PHACTR1: variants seen among roughly 807,000 people sequenced by gnomAD.
The protein encoded by PHACTR1 is RPEL repeat containing 1.
In PHACTR1, 16 loss-of-function variants were observed where a neutral mutation model predicts 69.2. The ratio of observed to expected loss-of-function variants is 0.23; its 90% CI spans 0.16 to 0.35. The LOEUF (loss-of-function observed/expected upper bound fraction) is 0.35, where lower values mean the gene tolerates loss of function less well. PHACTR1 is among the 10% of genes least tolerant of loss of function. PHACTR1 has a pLI of 1.00. For synonymous variants in PHACTR1, 312 were observed against 284.5 expected, an observed-to-expected ratio of 1.10 and a Z score of -0.97; for missense variants, 510 against 734.7, an observed-to-expected ratio of 0.69 and a Z score of 3.54.
At chr6:12,746,637 T>C (rs1765817010) in intron 3 of PHACTR1, among the ~76,000 whole-genome samples, 1 of 152,224 alleles carries the variant, frequency 6.6e-6, no homozygotes, top group Non-Finnish European at 1.5e-5. Context: ...AAATAGCCTA[T>C]AATGAAATAA....
chr6:12,976,314 C>T (rs1794873935), intron 4 of PHACTR1, among the ~76,000 whole-genome samples: 1 of 152,158 alleles, frequency 6.6e-6, no homozygotes, highest in African/African-American at 2.4e-5. Flanking sequence ...AAACGTGAGT[C>T]TTTGGGTGAA....
At chr6:13,239,416 G>A (rs1262518787) in intron 10 of PHACTR1, among the ~76,000 whole-genome samples, 2 of 152,112 alleles carry the variant, frequency 1.3e-5, no homozygotes, top group African/African-American at 4.8e-5. Flanking sequence ...GAGCTCTTTG[G>A]GAATGCTGAC....
At chr6:13,206,332 G>A (rs1169139385) in intron 8 of PHACTR1, among the ~76,000 whole-genome samples, 196 bp downstream of exon 8, 4 of 152,106 alleles carry the variant, frequency 2.6e-5, no homozygotes, top group African/African-American at 7.2e-5. Flanking sequence ...AAAAGCTCTG[G>A]AATAATCACA....
At chr6:12,727,076 G>T (rs1204294318) in intron 3 of PHACTR1, among the ~76,000 whole-genome samples, 1 of 152,020 alleles carries the variant, frequency 6.6e-6, no homozygotes, top group Non-Finnish European at 1.5e-5. Flanking sequence ...CATCACCCTA[G>T]TCAGGAAGCA....
chr6:13,030,716 T>G (rs143039357), intron 4 of PHACTR1, among the ~76,000 whole-genome samples: 134 of 152,320 alleles, frequency 8.8e-4, no homozygotes, highest in African/African-American at 2.9e-3. Flanking sequence ...TGAAGAATAG[T>G]TTCTGTTCTA....
chr6:12,908,104 A>T (rs1447595048), intron 4 of PHACTR1, among the ~76,000 whole-genome samples: 3 of 152,146 alleles, frequency 2.0e-5, no homozygotes, highest in African/African-American at 4.8e-5. Context: ...ACATTTAGGG[A>T]TGTTCTTCTT....
chr6:13,064,459 AGATATAATAAGCAAAT>A (rs1363846328), intron 5 of PHACTR1, among the ~76,000 whole-genome samples: 4 of 150,326 alleles, frequency 2.7e-5, no homozygotes, highest in Non-Finnish European at 5.9e-5. Context: ...ATGGCAATGC[AGATATAATAAGCAAAT>A]GATATAATAA....
intron 4 of PHACTR1, among the ~76,000 whole-genome samples, chr6:13,051,076 C>G (rs1359864122): frequency 6.6e-6 from 1 of 152,150 alleles, no homozygotes; most frequent in African/African-American, 2.4e-5. Context: ...AGAAACAAAT[C>G]TAATTGCATC....
chr6:12,812,390 T>G (rs1293996354), intron 4 of PHACTR1, among the ~76,000 whole-genome samples: 2 of 152,204 alleles, frequency 1.3e-5, no homozygotes, highest in Non-Finnish European at 2.9e-5. Flanking sequence ...AGCACCAAGT[T>G]TGATATTTTA....
chr6:13,055,505 T>C (rs964489977), intron 5 of PHACTR1, among the ~76,000 whole-genome samples: 15 of 152,140 alleles, frequency 9.9e-5, no homozygotes, highest in African/African-American at 2.7e-4. Context: ...AATGGGAGTG[T>C]TTTGTAAGCA....
intron 4 of PHACTR1, among the ~76,000 whole-genome samples, chr6:12,994,119 T>C (rs1051078066): frequency 1.3e-5 from 2 of 152,104 alleles, no homozygotes; most frequent in Non-Finnish European, 2.9e-5. Flanking sequence ...ATGAAAAATA[T>C]AGTCTTTGAA....
At chr6:13,214,231 A>AT (rs397736779) in intron 8 of PHACTR1, 6 of 150,554 alleles carry the variant, frequency 4.0e-5, no homozygotes, top group Non-Finnish European at 8.9e-5. Context: ...AAAAAAAAAA[A>AT]GCAAGAAAAG....
chr6:12,794,535 A>G (rs1316962264), intron 4 of PHACTR1, among the ~76,000 whole-genome samples: 1 of 152,262 alleles, frequency 6.6e-6, no homozygotes, highest in Non-Finnish European at 1.5e-5. Context: ...AGAAAAAGTA[A>G]AAGAGAACAG....
intron 5 of PHACTR1, among the ~76,000 whole-genome samples, chr6:13,101,320 G>A (rs1815122816): frequency 6.6e-6 from 1 of 152,354 alleles, no homozygotes; most frequent in South Asian, 2.1e-4. Context: ...TGAGAGCAGA[G>A]TCCTCATGAC....
chr6:13,265,660 T>G (rs1273040721), intron 10 of PHACTR1, among the ~76,000 whole-genome samples: 8 of 152,168 alleles, frequency 5.3e-5, no homozygotes, highest in Non-Finnish European at 1.2e-4. Flanking sequence ...TCAGCAGGTG[T>G]GAGTGCGATC....
chr6:13,114,048 G>T (rs1817445686), intron 5 of PHACTR1, among the ~76,000 whole-genome samples: 1 of 152,168 alleles, frequency 6.6e-6, no homozygotes, highest in African/African-American at 2.4e-5. Context: ...GCACAGGGCA[G>T]ATTTCTGGTC....
intron 4 of PHACTR1, among the ~76,000 whole-genome samples, chr6:12,750,415 A>G (rs1238894796): frequency 6.6e-6 from 1 of 151,862 alleles, no homozygotes; most frequent in Non-Finnish European, 1.5e-5. Flanking sequence ...AGGGTAACTG[A>G]GGTACATGAA....
At chr6:12,931,522 T>C (rs1433323869) in intron 4 of PHACTR1, among the ~76,000 whole-genome samples, 1 of 151,976 alleles carries the variant, frequency 6.6e-6, no homozygotes, top group Non-Finnish European at 1.5e-5. Context: ...AAACTGGAGG[T>C]GCAGTCTAAG....
chr6:13,124,812 C>T (rs966570121), intron 5 of PHACTR1, among the ~76,000 whole-genome samples: 2 of 152,192 alleles, frequency 1.3e-5, no homozygotes, highest in African/African-American at 4.8e-5. Context: ...AGCCAGCAAG[C>T]TCTCTGGTGT....
Sources: allele counts gnomAD v4.1 joint callset (sites outside exome capture counted in the v4.1 genomes callset), GRCh38; gene constraint gnomAD v4.1.1; transcripts MANE v1.5; gene names NCBI Gene and HGNC (gene_info 2026-07-23, HGNC 2026-07-21).